The following NCKAP5 variants were observed in gnomAD, a reference collection of about 807,000 sequenced individuals.
The protein encoded by NCKAP5 is NCK associated protein 5, also known as nck-associated protein 5.
Under a neutral mutation model 167.0 loss-of-function variants are expected in NCKAP5, and 92 were observed. The observed-to-expected ratio is 0.55, with a 90% CI of 0.47 to 0.66. The LOEUF is 0.66. NCKAP5 is among the 30% of genes least tolerant of loss of function. The pLI, the probability that NCKAP5 is intolerant of heterozygous loss-of-function variation, is 0.00. For missense variants in NCKAP5, 2,378 were observed against 2,315.0 expected (o/e 1.03, Z -0.56); for synonymous variants, 891 against 877.4 (o/e 1.02, Z -0.27).
intron 3 of NCKAP5, among the ~76,000 whole-genome samples, chr2:133,464,471 T>C (rs886591861): frequency 2.0e-5 from 3 of 151,964 alleles, no homozygotes; most frequent in South Asian, 2.1e-4. Flanking sequence ...AGGTGGATCA[T>C]GAGGTCAGGA....
intron 14 of NCKAP5, 32 bp from the exon 15 acceptor site, chr2:132,781,261 T>A (rs763358084): frequency 1.9e-6 from 3 of 1,589,288 alleles, no homozygotes; most frequent in Non-Finnish European, 2.6e-6. Context: ...TCTGATAAGT[T>A]ACCTTGCTCC....
chr2:133,467,556 T>C (rs1692696576), intron 3 of NCKAP5, among the ~76,000 whole-genome samples: 2 of 150,610 alleles, frequency 1.3e-5, no homozygotes, highest in Non-Finnish European at 3.0e-5. Context: ...CCTCTTTTTC[T>C]ATTGATTGGA....
chr2:133,505,534 A>G (rs906975894), intron 3 of NCKAP5, among the ~76,000 whole-genome samples: 1 of 152,152 alleles, frequency 6.6e-6, no homozygotes, highest in Admixed American at 6.5e-5. Context: ...TGCATGCCCT[A>G]TTTGTGTTGT....
chr2:132,851,270 G>C (rs964262747), intron 11 of NCKAP5, among the ~76,000 whole-genome samples: 1 of 152,148 alleles, frequency 6.6e-6, no homozygotes, highest in East Asian at 1.9e-4. Context: ...AACTTGACCT[G>C]AGCTTGTGTG....
At chr2:133,030,000 A>G (rs546902201) in intron 6 of NCKAP5, among the ~76,000 whole-genome samples, 1 of 152,328 alleles carries the variant, frequency 6.6e-6, no homozygotes, top group Admixed American at 6.5e-5. Flanking sequence ...CCTCTCAGTT[A>G]CTACGCAGCT....
intron 6 of NCKAP5, among the ~76,000 whole-genome samples, chr2:133,018,293 C>A (rs1008777309): frequency 6.6e-6 from 1 of 152,174 alleles, no homozygotes; most frequent in Non-Finnish European, 1.5e-5. Context: ...TTCTTGAGGG[C>A]ACACTGCCTT....
At chr2:133,521,202 AT>A (rs1684443796) in intron 2 of NCKAP5, among the ~76,000 whole-genome samples, 1 of 152,220 alleles carries the variant, frequency 6.6e-6, no homozygotes, top group Non-Finnish European at 1.5e-5. Context: ...TGAGTATATC[AT>A]ATCCTAAAGA....
Position 132,784,539 on chromosome 2 carries a change from A to T in NCKAP5, c.2272T>A (p.Ser758Thr). 1 of 1,568,450 alleles carries T rather than the reference A, an allele frequency of 6.4e-7. No individual in the cohort carries two copies. The highest frequency in any genetic ancestry group is 8.6e-7 in the Non-Finnish European group (1 of 1,157,728). ...VDNVPRVSTE[S>T]FSSRTVTQNP... is the part of the protein sequence containing the mutation. ...TGTGTCACTGTCCTGGAGCTGAAAG[A>T]TTCAGTGGACACCCTGGGAACATTA... is the stretch of plus-strand genomic sequence containing the variant. Residue 758 changes from serine to threonine, a missense_variant, in exon 14 of 20, where the codon TCT becomes ACT. Ser to Thr is a moderately conservative substitution (Grantham distance 58). Around this residue, in one of 3 missense-constraint regions of NCKAP5, gnomAD observed 1,049 missense variants for 1,023.4 expected, o/e 1.02. Coordinates refer to ENST00000409261, the MANE Select transcript of NCKAP5 (RefSeq NM_207363.3).
At chr2:133,206,541 C>T (rs1249498525) in intron 5 of NCKAP5, among the ~76,000 whole-genome samples, 1 of 152,124 alleles carries the variant, frequency 6.6e-6, no homozygotes, top group Non-Finnish European at 1.5e-5. Context: ...TGAGAATGTA[C>T]ATCACCTCAG....
At chr2:133,092,209 C>T (rs1356231557) in intron 6 of NCKAP5, among the ~76,000 whole-genome samples, 1 of 152,140 alleles carries the variant, frequency 6.6e-6, no homozygotes, top group African/African-American at 2.4e-5. Context: ...GACCTGAAAT[C>T]CAATGGCTGA....
At chr2:132,894,909 C>A (rs1693021369) in intron 8 of NCKAP5, among the ~76,000 whole-genome samples, 1 of 152,112 alleles carries the variant, frequency 6.6e-6, no homozygotes, top group Non-Finnish European at 1.5e-5. Context: ...GGACAGGGTG[C>A]AGTAGGGGTA....
rs374605818 is a variant in NCKAP5, at chr2:133,035,022, A to T, written c.342-40783T>A. ...TTGATCTGTTGCCCACAAGAAACAT[A>T]TTTCATCTATAAAGACACACATGGA... is the stretch of plus-strand genomic sequence containing the variant. On this transcript the variant is annotated intron_variant, in intron 6 of 19. Transcript: ENST00000409261. Among the ~76,000 whole-genome samples, 379 of 152,162 alleles carry T rather than the reference A, an allele frequency of 2.5e-3. 2 individuals carry two copies. The highest frequency in any genetic ancestry group is 8.1e-3 in the African/African-American group (336 of 41,562).
chr2:133,472,470 T>C (rs1356538515), intron 3 of NCKAP5, among the ~76,000 whole-genome samples: 2 of 152,052 alleles, frequency 1.3e-5, no homozygotes, highest in African/African-American at 4.8e-5. Flanking sequence ...GGTTTTATTA[T>C]TGCTTCTCCT....
intron 3 of NCKAP5, among the ~76,000 whole-genome samples, chr2:133,377,624 G>A (rs1054872412): frequency 2.0e-5 from 3 of 152,168 alleles, no homozygotes; most frequent in Admixed American, 6.6e-5. Flanking sequence ...TAGCTACTTT[G>A]GTTGATTTCT....
chr2:133,494,464 C>A (rs1355737850), intron 3 of NCKAP5, among the ~76,000 whole-genome samples: 1 of 152,160 alleles, frequency 6.6e-6, no homozygotes, highest in Non-Finnish European at 1.5e-5. Context: ...TGTCTCAAGT[C>A]CTGCATCCCT....
At chr2:132,794,544 G>A (rs997804000) in intron 12 of NCKAP5, among the ~76,000 whole-genome samples, 5 of 151,552 alleles carry the variant, frequency 3.3e-5, no homozygotes, top group Non-Finnish European at 5.9e-5. Flanking sequence ...GCTGAGGCAG[G>A]GGAATTGCTT....
At chr2:132,846,351 C>A (rs181137170) in intron 11 of NCKAP5, among the ~76,000 whole-genome samples, 1 of 152,130 alleles carries the variant, frequency 6.6e-6, no homozygotes, top group Non-Finnish European at 1.5e-5. Context: ...TACAGTCTCA[C>A]TCTGTCACCT....
intron 3 of NCKAP5, among the ~76,000 whole-genome samples, chr2:133,310,056 C>T (rs1368893047): frequency 6.6e-6 from 1 of 152,164 alleles, no homozygotes; most frequent in Non-Finnish European, 1.5e-5. Flanking sequence ...TAGGAAATGA[C>T]TAACTACCAC....
At chr2:133,000,228 C>G (rs1351687190) in intron 6 of NCKAP5, among the ~76,000 whole-genome samples, 2 of 152,130 alleles carry the variant, frequency 1.3e-5, no homozygotes, top group Non-Finnish European at 2.9e-5. Flanking sequence ...AAACTTCTCA[C>G]TTTGAGAAAT....
Sources: allele counts gnomAD v4.1 joint callset (sites outside exome capture counted in the v4.1 genomes callset), GRCh38; gene constraint gnomAD v4.1.1; regional missense constraint gnomAD v4.1.1; transcripts MANE v1.5; gene names NCBI Gene and HGNC (gene_info 2026-07-23, HGNC 2026-07-21).